ARB2A: variants seen among roughly 807,000 people sequenced by gnomAD.
The protein encoded by ARB2A is cotranscriptional regulator ARB2A.
chr5:94,011,089 T>C, the ARB2A span, among the ~76,000 whole-genome samples: 448 of 152,308 alleles, frequency 2.9e-3, 2 homozygotes, highest in African/African-American at 0.011. Flanking sequence ...CTCATCTCCA[T>C]GTGACTAAAT....
the ARB2A span, among the ~76,000 whole-genome samples, chr5:94,011,779 A>G: frequency 1.5e-4 from 23 of 151,744 alleles, no homozygotes; most frequent in African/African-American, 5.3e-4. Context: ...CCAGAGCAGA[A>G]AGAGACAGGA....
the ARB2A span, among the ~76,000 whole-genome samples, chr5:93,832,890 G>C: frequency 2.6e-5 from 4 of 152,054 alleles, no homozygotes; most frequent in Non-Finnish European, 4.4e-5. Flanking sequence ...GCTTCCAGGG[G>C]GAAGAGCCAG....
the ARB2A span, among the ~76,000 whole-genome samples, chr5:93,852,003 G>C: frequency 6.6e-6 from 1 of 152,122 alleles, no homozygotes; most frequent in Admixed American, 6.5e-5. Context: ...GGTATTTCTA[G>C]TTCTAGATCC....
chr5:93,926,243 C>T, the ARB2A span, among the ~76,000 whole-genome samples: 1 of 152,014 alleles, frequency 6.6e-6, no homozygotes, highest in Non-Finnish European at 1.5e-5. Context: ...GATTCTCCTG[C>T]CTCAGTCTCC....
the ARB2A span, among the ~76,000 whole-genome samples, chr5:94,106,871 A>G: frequency 1.7e-4 from 16 of 91,944 alleles, no homozygotes; most frequent in Admixed American, 3.9e-4. Context: ...ATCAATGCAG[A>G]AAAAAAAAAA....
the ARB2A span, chr5:93,865,731 T>G: frequency 2.4e-5 from 24 of 985,346 alleles, no homozygotes. Context: ...AAACCTGTTC[T>G]CAGTCTGCTT....
the ARB2A span, among the ~76,000 whole-genome samples, chr5:93,839,410 T>C: frequency 6.6e-6 from 1 of 152,208 alleles, no homozygotes; most frequent in Non-Finnish European, 1.5e-5. Flanking sequence ...GATTAGCTTT[T>C]TGATGTGCTG....
chr5:93,837,154 C>A, the ARB2A span, among the ~76,000 whole-genome samples: 1 of 152,038 alleles, frequency 6.6e-6, no homozygotes, highest in Non-Finnish European at 1.5e-5. Flanking sequence ...CAAGTAGGCC[C>A]TTTTTGTGTC....
chr5:93,975,090 G>T, the ARB2A span, among the ~76,000 whole-genome samples: 4 of 151,766 alleles, frequency 2.6e-5, no homozygotes, highest in Non-Finnish European at 5.9e-5. Flanking sequence ...TGAGGCAGGC[G>T]GATCAAGAGA....
At chr5:94,048,207 A>G in the ARB2A span, among the ~76,000 whole-genome samples, 3 of 151,940 alleles carry the variant, frequency 2.0e-5, no homozygotes, top group African/African-American at 7.3e-5. Flanking sequence ...GGGGCGCAAC[A>G]CCACACCTGG....
At chr5:93,670,507 G>A in the ARB2A span, among the ~76,000 whole-genome samples, 3 of 152,090 alleles carry the variant, frequency 2.0e-5, no homozygotes. Context: ...TTTTTTGAAG[G>A]TAAAGGAAAT....
At chr5:94,025,066 A>T in the ARB2A span, among the ~76,000 whole-genome samples, 5 of 152,240 alleles carry the variant, frequency 3.3e-5, no homozygotes, top group Non-Finnish European at 7.3e-5. Flanking sequence ...CAAAGATGCA[A>T]CTTTAAAACA....
At chr5:94,021,871 C>CT in the ARB2A span, among the ~76,000 whole-genome samples, 59 of 152,234 alleles carry the variant, frequency 3.9e-4, no homozygotes, top group African/African-American at 1.4e-3. Flanking sequence ...CAGTTCAGGA[C>CT]CAGCCTGGCC....
chr5:93,862,534 G>A, the ARB2A span: 2 of 152,036 alleles, frequency 1.3e-5, no homozygotes, highest in African/African-American at 2.4e-5. Flanking sequence ...AAATATATAA[G>A]CTTTCAATTA....
chr5:93,911,628 C>CCACACACACACACA, the ARB2A span, among the ~76,000 whole-genome samples: 97 of 148,778 alleles, frequency 6.5e-4, no homozygotes, highest in Admixed American at 1.6e-3. Flanking sequence ...GCATTAGTCA[C>CCACACACACACACA]CACACACACA....
the ARB2A span, among the ~76,000 whole-genome samples, chr5:94,099,420 C>T: frequency 8.8e-4 from 134 of 151,638 alleles, no homozygotes; most frequent in African/African-American, 3.2e-3. Flanking sequence ...GTCAGGAGAT[C>T]GAGACCATCT....
chr5:93,622,860 T>C, the ARB2A span, among the ~76,000 whole-genome samples: 6 of 152,290 alleles, frequency 3.9e-5, no homozygotes, highest in Admixed American at 6.5e-5. Flanking sequence ...GGGAAAATTA[T>C]ATATATATGC....
the ARB2A span, among the ~76,000 whole-genome samples, chr5:93,777,903 C>G: frequency 5.3e-5 from 8 of 152,028 alleles, no homozygotes; most frequent in Admixed American, 4.6e-4. Flanking sequence ...GTTCTGGGAC[C>G]AGGGAGAGCA....
At chr5:93,637,842 G>C in the ARB2A span, among the ~76,000 whole-genome samples, 1 of 152,178 alleles carries the variant, frequency 6.6e-6, no homozygotes, top group African/African-American at 2.4e-5. Flanking sequence ...TTAGCCCTTG[G>C]AATGTTCTGC....
Sources: allele counts gnomAD v4.1 joint callset (sites outside exome capture counted in the v4.1 genomes callset), GRCh38; gene constraint gnomAD v4.1.1; transcripts MANE v1.5; gene names NCBI Gene and HGNC (gene_info 2026-07-23, HGNC 2026-07-21).